SND1: variants seen among roughly 807,000 people sequenced by gnomAD.
SND1 encodes the protein staphylococcal nuclease domain-containing protein 1.
Under a neutral mutation model 121.7 loss-of-function variants are expected in SND1, and 38 were observed. The ratio of observed to expected loss-of-function variants is 0.31; its 90% CI spans 0.24 to 0.41. The LOEUF is 0.41. Ranked by LOEUF, SND1 falls within the 10% of genes least tolerant of loss-of-function variation. The pLI is 1.00. For synonymous variants in SND1, 401 were observed against 447.4 expected (o/e 0.90, Z 1.31); for missense variants, 868 against 1,184.6 (o/e 0.73, Z 3.92).
In SND1 at chr7:128,052,765, A is replaced by G. The variant is rs1793068342; in HGVS notation, c.1780-21737A>G. ...GAATGCCAGTCTTGTGTCCCACCCT[A>G]CTTTTGTGCCCTGAAAATCATTCCC... On this transcript the variant is annotated intron_variant, in intron 16 of 23. Coordinates refer to ENST00000354725, the MANE Select transcript of SND1 (RefSeq NM_014390.4). The surrounding 1 kb of genome is among the most constrained non-coding windows in gnomAD (Gnocchi z 4.6). Among the ~76,000 whole-genome samples, 1 of 152,136 alleles carries G rather than the reference A, an allele frequency of 6.6e-6. No homozygotes were observed. Among genetic ancestry groups the G allele is most frequent in the Non-Finnish European group, 1.5e-5 (1 of 68,008 alleles).
At chr7:128,091,231 T>C (rs1185535048) in intron 22 of SND1, among the ~76,000 whole-genome samples, 1 of 152,156 alleles carries the variant, frequency 6.6e-6, no homozygotes, top group East Asian at 1.9e-4. Context: ...TGCTCTTGTT[T>C]GGTTTGGTTT....
intron 11 of SND1, among the ~76,000 whole-genome samples, chr7:127,825,409 A>AGAACATACCTGAACCATGAATATCTT (rs1798624613): frequency 6.8e-6 from 1 of 146,070 alleles, no homozygotes. Flanking sequence ...GCTCCTGGCC[A>AGAACATACCTGAACCATGAATATCTT]CCTTTTTTTT....
chr7:127,798,756 T>A (rs1292787260), intron 10 of SND1, among the ~76,000 whole-genome samples: 1 of 152,162 alleles, frequency 6.6e-6, no homozygotes, highest in Non-Finnish European at 1.5e-5. Flanking sequence ...TATTTAAAAA[T>A]TCACATGGTC....
intron 1 of SND1, among the ~76,000 whole-genome samples, chr7:127,675,215 A>G (rs1161159305): frequency 6.6e-6 from 1 of 151,938 alleles, no homozygotes; most frequent in Non-Finnish European, 1.5e-5. Flanking sequence ...AAACAAAAAA[A>G]CCCTTCATTT....
chr7:127,659,946 A>G (rs1235535975), intron 1 of SND1, among the ~76,000 whole-genome samples: 1 of 151,656 alleles, frequency 6.6e-6, no homozygotes, highest in East Asian at 1.9e-4. Context: ...GAAATCTCAT[A>G]CCTTAACGGC....
chr7:127,735,128 A>G (rs1193801065), intron 10 of SND1, among the ~76,000 whole-genome samples: 2 of 152,180 alleles, frequency 1.3e-5, no homozygotes, highest in Non-Finnish European at 2.9e-5. Context: ...CCTTGGGAGA[A>G]TAATGACAAC....
At chr7:127,917,303 A>T (rs34874680) in intron 14 of SND1, among the ~76,000 whole-genome samples, 8,925 of 152,260 alleles carry the variant, frequency 0.059, 391 homozygotes, top group Middle Eastern at 0.19. Context: ...ATTTCTAACT[A>T]CTTTAGAAGT....
chr7:127,922,517 G>A (rs528986622), intron 14 of SND1, among the ~76,000 whole-genome samples: 1 of 152,154 alleles, frequency 6.6e-6, no homozygotes, highest in African/African-American at 2.4e-5. Context: ...AATAAATGGT[G>A]GGTAGGACCA....
intron 18 of SND1, among the ~76,000 whole-genome samples, 162 bp downstream of exon 18, chr7:128,081,663 C>T (rs2117060262): frequency 6.6e-6 from 1 of 152,330 alleles, no homozygotes; most frequent in East Asian, 1.9e-4. Flanking sequence ...CTGCCTTGTC[C>T]CACTGCTCCT....
chr7:127,909,437 C>T (rs1395089018), intron 14 of SND1, among the ~76,000 whole-genome samples: 2 of 151,370 alleles, frequency 1.3e-5, no homozygotes, highest in African/African-American at 4.9e-5. Flanking sequence ...GTTAGAAATA[C>T]GTAGTATTTC....
At chr7:127,778,439 T>C (rs539284669) in intron 10 of SND1, among the ~76,000 whole-genome samples, 1 of 152,268 alleles carries the variant, frequency 6.6e-6, no homozygotes, top group South Asian at 2.1e-4. Flanking sequence ...CCTTGTGATC[T>C]GCCCACCTTG....
chr7:127,875,197 C>T (rs535978423), intron 12 of SND1, among the ~76,000 whole-genome samples: 12 of 152,144 alleles, frequency 7.9e-5, no homozygotes, highest in Non-Finnish European at 1.5e-4. Context: ...TTTCATCCAA[C>T]AGCCCACAGA....
intron 15 of SND1, among the ~76,000 whole-genome samples, chr7:127,941,889 GT>G (rs34389081): frequency 0.079 from 7,961 of 100,332 alleles, 224 homozygotes; most frequent in African/African-American, 0.12. Context: ...TTGATAGGGA[GT>G]TTTTTTTTTT....
intron 16 of SND1, among the ~76,000 whole-genome samples, chr7:128,054,706 G>A (rs763262779): frequency 3.3e-5 from 5 of 151,994 alleles, no homozygotes; most frequent in Admixed American, 3.3e-4. Flanking sequence ...AATGAGCCTC[G>A]GCTTTTCTCC....
At chr7:128,053,497 G>T (rs1459337361) in intron 16 of SND1, among the ~76,000 whole-genome samples, 1 of 152,054 alleles carries the variant, frequency 6.6e-6, no homozygotes, top group African/African-American at 2.4e-5. Context: ...CAGAGATTTC[G>T]GAAGGTAATA....
chr7:127,680,569 A>C (rs1455505010), intron 1 of SND1, among the ~76,000 whole-genome samples: 1 of 152,088 alleles, frequency 6.6e-6, no homozygotes, highest in Non-Finnish European at 1.5e-5. Flanking sequence ...CTTTTGAAAG[A>C]AGAGAAATAT....
chr7:127,703,876 C>G (rs1433626547), intron 7 of SND1, among the ~76,000 whole-genome samples: 1 of 152,148 alleles, frequency 6.6e-6, no homozygotes, highest in Non-Finnish European at 1.5e-5. Context: ...ACATATTTAT[C>G]TAACTGTTTG....
rs554085056 is a variant in SND1, at chr7:128,030,563, C to G, written c.1779+39507C>G. ...TGGCTGCACACAGAATCCACACTTG[C>G]GCCGTGAGGTAGACGAACGGGAGCA... On this transcript the variant is annotated intron_variant, in intron 16 of 23. Transcript: ENST00000354725. 8.3e-5 allele frequency: 134 copies of G among 1,611,732 alleles called. No individual in the cohort carries two copies. The South Asian group carries it at 1.4e-3, about 16-fold the overall frequency.
intron 12 of SND1, among the ~76,000 whole-genome samples, chr7:127,887,305 C>A (rs1405100343): frequency 1.3e-5 from 2 of 152,056 alleles, no homozygotes; most frequent in African/African-American, 4.8e-5. Flanking sequence ...AATTTCCTTT[C>A]TACTAGAATG....
Sources: gnomAD v4.1 joint callset for allele counts (sites outside exome capture counted in the v4.1 genomes callset) on GRCh38, gnomAD v4.1.1 for gene constraint, Gnocchi (gnomAD v3.1) non-coding constraint, MANE v1.5 for transcripts, NCBI Gene and HGNC (gene_info 2026-07-23, HGNC 2026-07-21) for gene names.